BBS4: variants seen among roughly 807,000 people sequenced by gnomAD.
BBS4 encodes the protein BBSome complex member BBS4.
BBS4 carries 58 observed loss-of-function variants against 71.4 expected under a neutral mutation model. The observed-to-expected ratio is 0.81, with a 90% CI of 0.66 to 1.01. BBS4 has a LOEUF of 1.01. BBS4 is among the 50% of genes least tolerant of loss of function. The probability of loss-of-function intolerance (pLI) is 0.00; values close to 1 mark genes in which losing one functional copy is unlikely to be tolerated. For synonymous variants in BBS4, 228 were observed against 216.8 expected (o/e 1.05, Z -0.46); for missense variants, 660 against 607.9 (o/e 1.09, Z -0.90).
Position 72,713,314 on chromosome 15 carries a change from GACACACAC to G in BBS4, c.220+1036_220+1043del, listed in dbSNP as rs36072427. On this transcript the variant is annotated intron_variant, in intron 4 of 15. Transcript: ENST00000268057. Reference sequence around the variant, plus strand: ...TTTGTGACCCATCTAAGGTCTTTGTGACACACACACACACACACACACACACACACACA... The same window carrying G: ...TTTGTGACCCATCTAAGGTCTTTGTGACACACACACACACACACACACACA... 8.4e-4 allele frequency among the ~76,000 whole-genome samples: 120 copies of G among 143,550 alleles called. 1 individual carries two copies. The South Asian group carries it at 0.014, about 17-fold the overall frequency. The allele number at this position is 143,550 out of a possible 152,430, so 94.2% of individuals were successfully genotyped here. A position where few individuals can be genotyped will look rare whatever the true frequency, so the allele number is the denominator to read the frequency against.
chr15:72,728,106 GT>G (rs2065737891), intron 9 of BBS4, 112 bp downstream of exon 9: 1 of 756,572 alleles, frequency 1.3e-6, no homozygotes, highest in Non-Finnish European at 2.3e-6. Context: ...GTCATATAAA[GT>G]TCATGAACTA....
chr15:72,715,227 C>T (rs2065446376), intron 4 of BBS4, 64 bp from the exon 5 acceptor site: 20 of 1,238,412 alleles, frequency 1.6e-5, no homozygotes, highest in Non-Finnish European at 2.2e-5. Context: ...ATTTTTCTGA[C>T]CCCAGGCTCC....
intron 1 of BBS4, among the ~76,000 whole-genome samples, chr15:72,689,274 C>T (rs2150989108): frequency 6.6e-6 from 1 of 152,294 alleles, no homozygotes; most frequent in South Asian, 2.1e-4. Context: ...CAGTCAAGGC[C>T]TTGAGGCCAG....
chr15:72,719,746 A>C (rs1320608765), intron 6 of BBS4, among the ~76,000 whole-genome samples: 1 of 114,494 alleles, frequency 8.7e-6, no homozygotes. Flanking sequence ...CAAAACAGCC[A>C]TTCTTTTTTT....
chr15:72,700,843 C>CT (rs1567403458), intron 2 of BBS4, among the ~76,000 whole-genome samples: 1 of 152,112 alleles, frequency 6.6e-6, no homozygotes, highest in Non-Finnish European at 1.5e-5. Flanking sequence ...TCTAGGAAAT[C>CT]TTGATCCTTA....
At chr15:72,737,267 G>T (rs1354820098) in intron 15 of BBS4, among the ~76,000 whole-genome samples, 5 of 152,186 alleles carry the variant, frequency 3.3e-5, no homozygotes, top group Non-Finnish European at 5.9e-5. Flanking sequence ...TGCTTTATCA[G>T]AAGTTGACAC....
At chr15:72,704,309 A>G (rs2065225558) in intron 2 of BBS4, 1 of 552,806 alleles carries the variant, frequency 1.8e-6, no homozygotes. Context: ...CTTTATTGCA[A>G]AATAGGGGAG....
intron 2 of BBS4, among the ~76,000 whole-genome samples, chr15:72,707,895 G>A (rs1009879834): frequency 5.3e-5 from 8 of 151,346 alleles, no homozygotes; most frequent in Non-Finnish European, 8.8e-5. Context: ...ACAGCATAAT[G>A]TTCTCATTTG....
chr15:72,736,954 C>T lies in BBS4; in HGVS notation c.1441C>T (p.Leu481Phe). Reference sequence around the variant, plus strand: ...GTCTTCAGCAGCTGCATACAGGACGCTCCCCTCAGGTAGGACCATACAGAG... The same window carrying T: ...GTCTTCAGCAGCTGCATACAGGACGTTCCCCTCAGGTAGGACCATACAGAG... The part of the protein sequence containing the change: ...AMSSAAAYRT[L>F]PSGAGGTSQF... The change falls in exon 15 of 16, where the codon CTC (leucine) becomes TTC (phenylalanine). Residue 481 changes from leucine to phenylalanine, a missense_variant. Transcript: ENST00000268057. 6.2e-7 allele frequency: 1 copy of T among 1,614,136 alleles called. No homozygotes were observed. Among genetic ancestry groups the T allele is most frequent in the Non-Finnish European group, 8.5e-7 (1 of 1,180,020 alleles).
Position 72,729,698 on chromosome 15 carries a change from T to TG in BBS4, c.711+15dup. The TG allele has an allele frequency of 6.2e-7, 1 of 1,612,954 alleles. No individual in the cohort carries two copies. On this transcript the variant is annotated intron_variant, in intron 10 of 15. Coordinates refer to ENST00000268057, the MANE Select transcript of BBS4 (RefSeq NM_033028.5). The stretch of plus-strand genomic sequence containing the variant: ...ACCAACTACAAGGTATTACAGGCTG[T>TG]GAAGGCTCTGGCCTTCATATAGACG...
Position 72,736,090 on chromosome 15 carries a change from A to G in BBS4, c.1248+124A>G, listed in dbSNP as rs1269858616. On this transcript the variant is annotated intron_variant, in intron 14 of 15. Coordinates refer to ENST00000268057, the MANE Select transcript of BBS4 (RefSeq NM_033028.5). Reference sequence around the variant, plus strand: ...TGGCTGTTCTGGCTTTGATGTTCCTAGCAGCATGAGTTCATCAATTAATAA... The same window carrying G: ...TGGCTGTTCTGGCTTTGATGTTCCTGGCAGCATGAGTTCATCAATTAATAA... 6.4e-6 allele frequency: 7 copies of G among 1,093,490 alleles called. No individual in the cohort carries two copies. In the East Asian group the frequency reaches 1.8e-4, roughly 27 times the overall value. The allele number at this position is 1,093,490 out of a possible 1,614,324, so 67.7% of individuals were successfully genotyped here. A position where few individuals can be genotyped will look rare whatever the true frequency, so the allele number is the denominator to read the frequency against.
Position 72,686,207 on chromosome 15 carries a change from G to C in BBS4, c.-21G>C. 1 of 1,556,686 alleles carries C rather than the reference G, an allele frequency of 6.4e-7. No individual in the cohort carries two copies. The highest frequency in any genetic ancestry group is 8.7e-7 in the Non-Finnish European group (1 of 1,151,376). On this transcript the variant is annotated 5_prime_UTR_variant, in exon 1 of 16. Coordinates refer to ENST00000268057, the MANE Select transcript of BBS4 (RefSeq NM_033028.5). ...TGGGAAACCGCCGACTTCCGGCCGC[G>C]CAGCGGTGGGCTGAGCTAAAATGGC... is the stretch of plus-strand genomic sequence containing the variant.
chr15:72,720,611 G>C (rs955262410), intron 6 of BBS4, among the ~76,000 whole-genome samples: 1 of 152,118 alleles, frequency 6.6e-6, no homozygotes, highest in African/African-American at 2.4e-5. Context: ...TTGACTTTTG[G>C]AACAGTTCTG....
rs766664389 is a variant in BBS4, at chr15:72,735,818, G to A, written c.1107-7G>A. The A allele has an allele frequency of 4.6e-5, 74 of 1,614,004 alleles. No individual in the cohort carries two copies. The highest frequency in any genetic ancestry group is 6.0e-5 in the Non-Finnish European group (71 of 1,180,020). ...CCCCAGCTCCATAGAATCTCTGTCT[G>A]CCACAGGTGTAACCCTTTAGTAAAC... On this transcript the variant is annotated splice_region_variant and splice_polypyrimidine_tract_variant and intron_variant, in intron 13 of 15. Transcript: ENST00000268057.
intron 12 of BBS4, among the ~76,000 whole-genome samples, chr15:72,733,839 G>A (rs764657514): frequency 2.2e-4 from 34 of 152,102 alleles, no homozygotes; most frequent in Non-Finnish European, 3.8e-4. Context: ...GCTCTTTGGG[G>A]AATTGCCAGA....
At position 72,738,164 on chromosome 15, in the gene BBS4, G is replaced by A. The variant is rs1163292884; in HGVS notation, c.*577G>A. ...GTATTGCAGCTGCATTTGCCCAAAG[G>A]GAATCCAGAACAAGTCCCTCCCTGT... is the stretch of plus-strand genomic sequence containing the variant. On this transcript the variant is annotated 3_prime_UTR_variant, in exon 16 of 16. Transcript: ENST00000268057. 4.4e-6 allele frequency: 2 copies of A among 450,808 alleles called. No individual in the cohort carries two copies. Among genetic ancestry groups the A allele is most frequent in the African/African-American group, 2.0e-5 (1 of 49,666 alleles). The allele number at this position is 450,808 out of a possible 1,614,324, so 27.9% of individuals were successfully genotyped here.
intron 13 of BBS4, chr15:72,735,483 C>G (rs2065903707): frequency 1.9e-6 from 1 of 519,290 alleles, no homozygotes; most frequent in South Asian, 2.0e-5. Context: ...TCAGATGGGA[C>G]TCTGGGCTGT....
rs1567437838 is a variant in BBS4, at chr15:72,738,349, A to C, written c.*762A>C. Reference sequence around the variant, plus strand: ...TGAAGATAGTCAGTGATAACCACTGACCAGATGCTATCAATACACTATGTG... The same window carrying C: ...TGAAGATAGTCAGTGATAACCACTGCCCAGATGCTATCAATACACTATGTG... On this transcript the variant is annotated 3_prime_UTR_variant, in exon 16 of 16. Transcript: ENST00000268057. 1 of 453,302 alleles carries C rather than the reference A, an allele frequency of 2.2e-6. No homozygotes were observed. Among genetic ancestry groups the C allele is most frequent in the South Asian group, 1.6e-5 (1 of 64,278 alleles). The allele number at this position is 453,302 out of a possible 1,614,324, so 28.1% of individuals were successfully genotyped here.
chr15:72,738,253 AGG>A lies in BBS4; in HGVS notation c.*668_*669del, dbSNP rs2065966766. On this transcript the variant is annotated 3_prime_UTR_variant, in exon 16 of 16. Coordinates refer to ENST00000268057, the MANE Select transcript of BBS4 (RefSeq NM_033028.5). ...CTATCAGGATGAGGAGCAGCAGCCC[AGG>A]GCTTGTCTGGATCAGCACCAACGAT... is the stretch of plus-strand genomic sequence containing the variant. 1 of 453,946 alleles carries A rather than the reference AGG, an allele frequency of 2.2e-6. No individual in the cohort carries two copies. The highest frequency in any genetic ancestry group is 4.4e-6 in the Non-Finnish European group (1 of 226,790). The allele number at this position is 453,946 out of a possible 1,614,324, so 28.1% of individuals were successfully genotyped here.
Sources: allele counts gnomAD v4.1 joint callset (sites outside exome capture counted in the v4.1 genomes callset), GRCh38; gene constraint gnomAD v4.1.1; transcripts MANE v1.5; gene names NCBI Gene and HGNC (gene_info 2026-07-23, HGNC 2026-07-21).